LARGE1: variants seen among roughly 807,000 people sequenced by gnomAD.
LARGE1 encodes LARGE xylosyl- and glucuronyltransferase 1, also known as xylosyl- and glucuronyltransferase LARGE1.
A neutral mutation model predicts 87.6 loss-of-function variants in LARGE1; 43 were observed. The observed-to-expected ratio is 0.49, with a 90% CI of 0.38 to 0.63. The LOEUF (loss-of-function observed/expected upper bound fraction) is 0.63, where lower values mean the gene tolerates loss of function less well. Ranked by LOEUF, LARGE1 falls within the 30% of genes least tolerant of loss-of-function variation. The probability of loss-of-function intolerance (pLI) is 0.00; values close to 1 mark genes in which losing one functional copy is unlikely to be tolerated. For synonymous variants in LARGE1, 434 were observed against 394.6 expected (o/e 1.10, Z -1.18); for missense variants, 802 against 1,000.2 (o/e 0.80, Z 2.67).
Position 33,728,551 on chromosome 22 carries a change from C to CAAAA in LARGE1, c.106+32816_106+32819dup, listed in dbSNP as rs57790780. Among the ~76,000 whole-genome samples the CAAAA allele has an allele frequency of 3.4e-3, 126 of 37,444 alleles. 4 individuals are homozygous for CAAAA. Among genetic ancestry groups the CAAAA allele is most frequent in the Non-Finnish European group, 5.8e-3 (85 of 14,592 alleles). 24.6% of individuals were successfully genotyped at this position (37,444 alleles called of 152,430 possible). A position where few individuals can be genotyped will look rare whatever the true frequency, so the allele number is the denominator to read the frequency against. On this transcript the variant is annotated intron_variant, in intron 2 of 14. Transcript: ENST00000397394. Reference sequence around the variant, plus strand: ...GAGACTCCGTCTCCACCCCTACCACCAAAAAAAAAAAAAAAAAAAAAAAAA... The same window carrying CAAAA: ...GAGACTCCGTCTCCACCCCTACCACCAAAAAAAAAAAAAAAAAAAAAAAAAAAAA...
chr22:33,106,167 T>C, the LARGE1 span: 2 of 152,270 alleles, frequency 1.3e-5, no homozygotes, highest in Admixed American at 6.5e-5. Flanking sequence ...CGTTGCTTCA[T>C]TGAGTCTGGT....
intron 7 of LARGE1, among the ~76,000 whole-genome samples, chr22:33,385,201 G>A (rs1036429815): frequency 1.3e-5 from 2 of 148,482 alleles, no homozygotes; most frequent in Admixed American, 6.7e-5. Flanking sequence ...TGTTTAGGGA[G>A]GGAAACTCCC....
Position 33,765,541 on chromosome 22 carries a change from T to TAA in LARGE1, c.-82-3985_-82-3984dup, listed in dbSNP as rs1259726337. Among the ~76,000 whole-genome samples, 3 of 151,704 alleles carry TAA rather than the reference T, an allele frequency of 2.0e-5. No homozygotes were observed. The East Asian group carries it at 5.8e-4, about 29-fold the overall frequency. ...CAACATAGTGAAACCCGGTCTCTAC[T>TAA]AAAAATACAAAAAATTAGCTGGGCA... On this transcript the variant is annotated intron_variant, in intron 1 of 14. Coordinates refer to ENST00000397394, the MANE Select transcript of LARGE1 (RefSeq NM_133642.5).
chr22:33,890,997 T>C (rs1462489212), intron 1 of LARGE1, among the ~76,000 whole-genome samples: 1 of 151,562 alleles, frequency 6.6e-6, no homozygotes, highest in African/African-American at 2.4e-5. Context: ...TCCCCGAAGC[T>C]ACCCTGGGCT....
chr22:33,176,451 T>G (rs1387046457), intron 11 of LARGE1, among the ~76,000 whole-genome samples: 1 of 151,944 alleles, frequency 6.6e-6, no homozygotes, highest in Non-Finnish European at 1.5e-5. Context: ...TTTAAACAAA[T>G]TTACAAGAAA....
At chr22:33,498,083 G>A (rs965468368) in intron 6 of LARGE1, among the ~76,000 whole-genome samples, 1 of 151,964 alleles carries the variant, frequency 6.6e-6, no homozygotes. Flanking sequence ...CGGGGTTTCG[G>A]CATGTTGGTT....
At chr22:33,834,524 T>C (rs2063059891) in intron 1 of LARGE1, among the ~76,000 whole-genome samples, 1 of 152,126 alleles carries the variant, frequency 6.6e-6, no homozygotes, top group Non-Finnish European at 1.5e-5. Flanking sequence ...CCTTTGATTG[T>C]AATTTTCCAC....
the LARGE1 span, chr22:33,109,188 G>A: frequency 6.6e-6 from 1 of 152,088 alleles, no homozygotes; most frequent in Non-Finnish European, 1.5e-5. Context: ...TCAAACCCAG[G>A]AAGTCTCAAC....
chr22:33,860,966 G>A (rs1435188417), intron 1 of LARGE1, among the ~76,000 whole-genome samples: 1 of 152,136 alleles, frequency 6.6e-6, no homozygotes, highest in East Asian at 1.9e-4. Context: ...CAAGGTCCTT[G>A]GAGTGTGAAG....
chr22:33,882,041 T>G (rs2267309), intron 1 of LARGE1, among the ~76,000 whole-genome samples: 33,700 of 148,398 alleles, frequency 0.23, 4,398 homozygotes, highest in Admixed American at 0.33. Context: ...TTTTGTTTTT[T>G]TTTGTTTTTT....
rs188929486 is a variant in LARGE1 at position 33,528,432 on chromosome 22, G to A, written c.787+36416C>T. Among the ~76,000 whole-genome samples, 42 of 152,244 alleles carry A rather than the reference G, an allele frequency of 2.8e-4. No individual in the cohort carries two copies. The East Asian group carries it at 7.3e-3, about 27-fold the overall frequency. On this transcript the variant is annotated intron_variant, in intron 6 of 14. Transcript: ENST00000397394. The stretch of plus-strand genomic sequence containing the variant: ...CATGAATATTTATAAAAGGAGACAC[G>A]TGCCCATGAGCAACTGAGCTTCATG...
At chr22:33,861,569 A>G (rs929848317) in intron 1 of LARGE1, 1 of 152,292 alleles carries the variant, frequency 6.6e-6, no homozygotes, top group Non-Finnish European at 1.5e-5. Context: ...CAGAATGGCC[A>G]CGCAGACACG....
intron 2 of LARGE1, among the ~76,000 whole-genome samples, chr22:33,728,534 G>A (rs1056312131): frequency 1.7e-4 from 19 of 111,510 alleles, no homozygotes; most frequent in Non-Finnish European, 1.8e-4. Context: ...GCGAGACTCC[G>A]TCTCCACCCC....
intron 1 of LARGE1, among the ~76,000 whole-genome samples, chr22:33,838,234 G>C (rs2063165756): frequency 6.6e-6 from 1 of 152,132 alleles, no homozygotes; most frequent in Admixed American, 6.6e-5. Context: ...ACAATCTCTA[G>C]TAACATGGAA....
chr22:33,412,862 T>C (rs775750225), intron 7 of LARGE1, among the ~76,000 whole-genome samples: 3 of 152,308 alleles, frequency 2.0e-5, no homozygotes, highest in Non-Finnish European at 4.4e-5. Flanking sequence ...CGTTTCACCA[T>C]GTTGGCCAGG....
chr22:33,844,354 T>C lies in LARGE1; in HGVS notation c.-83+75641A>G, dbSNP rs376670613. Among the ~76,000 whole-genome samples, 10 of 152,276 alleles carry C rather than the reference T, an allele frequency of 6.6e-5. No homozygotes were observed. The East Asian group carries it at 1.9e-3, about 29-fold the overall frequency. On this transcript the variant is annotated intron_variant, in intron 1 of 14. Coordinates refer to ENST00000397394, the MANE Select transcript of LARGE1 (RefSeq NM_133642.5). ...ATTCAATGTATTCCTCCTGCTATAA[T>C]GCTCCCTGGCACAGGGAGTTTAGTA...
chr22:33,131,550 A>G, the LARGE1 span, among the ~76,000 whole-genome samples: 1 of 152,162 alleles, frequency 6.6e-6, no homozygotes, highest in African/African-American at 2.4e-5. Flanking sequence ...CCTCACAATC[A>G]TGGTCGAAGG....
intron 3 of LARGE1, among the ~76,000 whole-genome samples, chr22:33,627,545 C>A (rs1333652740): frequency 1.3e-5 from 2 of 152,204 alleles, no homozygotes; most frequent in African/African-American, 4.8e-5. Context: ...GCCCTTGCTC[C>A]CATGACACGG....
At position 33,211,130 on chromosome 22, in the gene LARGE1, G is replaced by A. The variant is rs566182145; in HGVS notation, c.1731-44298C>T. ...TATTATATCTGTTACAGTGATCTGC[G>A]ATTTGTGATTTGTAATTGTTTCGGG... is the stretch of plus-strand genomic sequence containing the variant. On this transcript the variant is annotated intron_variant, in intron 11 of 11. Coordinates refer to the LARGE1 transcript ENST00000608642. Among the ~76,000 whole-genome samples, 8 of 152,024 alleles carry A rather than the reference G, an allele frequency of 5.3e-5. No homozygotes were observed. The South Asian group carries it at 6.3e-4, about 12-fold the overall frequency.
Sources: gnomAD v4.1 joint callset for allele counts (sites outside exome capture counted in the v4.1 genomes callset) on GRCh38, gnomAD v4.1.1 for gene constraint, MANE v1.5 for transcripts, NCBI Gene and HGNC (gene_info 2026-07-23, HGNC 2026-07-21) for gene names.